Variants in ZFAND3 observed in about 807,000 individuals in gnomAD.
ZFAND3 encodes the protein AN1-type zinc finger protein 3.
ZFAND3 carries 10 observed loss-of-function variants against 29.6 expected under a neutral mutation model. That is an observed-to-expected ratio of 0.34 (90% CI 0.21 to 0.57). ZFAND3 has a LOEUF of 0.57. Ranked by LOEUF, ZFAND3 falls within the 20% of genes least tolerant of loss-of-function variation. The pLI, the probability that ZFAND3 is intolerant of heterozygous loss-of-function variation, is 0.86. For missense variants in ZFAND3, 230 were observed against 304.5 expected (o/e 0.76, Z 1.82); for synonymous variants, 128 against 112.6 (o/e 1.14, Z -0.87).
chr6:37,844,258 G>C (rs1323009985), intron 1 of ZFAND3, among the ~76,000 whole-genome samples: 1 of 151,294 alleles, frequency 6.6e-6, no homozygotes, highest in African/African-American at 2.4e-5. Flanking sequence ...CTGTCTTTCT[G>C]TCTTTCCTTG....
rs553474687 is a variant in ZFAND3 at position 37,927,144 on chromosome 6, T to C, written c.72-2815T>C. ...GAATGGATGTCATTTAGGTAATACA[T>C]AGGTATGGTAGGCATTTTAAATACA... On this transcript the variant is annotated intron_variant, in intron 1 of 5. Transcript: ENST00000287218. Among the ~76,000 whole-genome samples the C allele has an allele frequency of 2.8e-3, 431 of 152,316 alleles. 2 individuals are homozygous for C. The highest frequency in any genetic ancestry group is 9.8e-3 in the African/African-American group (409 of 41,556).
At chr6:38,045,677 A>G (rs1488247972) in intron 2 of ZFAND3, among the ~76,000 whole-genome samples, 1 of 152,162 alleles carries the variant, frequency 6.6e-6, no homozygotes, top group Non-Finnish European at 1.5e-5. Flanking sequence ...ATTTAACACT[A>G]CCTCTTTCTA....
At chr6:37,972,459 T>C (rs1762406265) in intron 2 of ZFAND3, among the ~76,000 whole-genome samples, 3 of 152,256 alleles carry the variant, frequency 2.0e-5, no homozygotes, top group Admixed American at 2.0e-4. Flanking sequence ...ATAACAGATA[T>C]GGCTCCTCAG....
chr6:37,855,314 CTT>C (rs970061636), intron 1 of ZFAND3, among the ~76,000 whole-genome samples: 27 of 134,296 alleles, frequency 2.0e-4, no homozygotes, highest in Non-Finnish European at 2.6e-4. Context: ...CTGGCTAACT[CTT>C]TTTTTTTTTT....
chr6:37,956,612 AC>A (rs1762089729), intron 2 of ZFAND3, among the ~76,000 whole-genome samples: 1 of 152,226 alleles, frequency 6.6e-6, no homozygotes, highest in African/African-American at 2.4e-5. Context: ...TTTAATGAAT[AC>A]TGTTATTTGT....
chr6:37,974,615 C>G (rs141821359), intron 2 of ZFAND3, among the ~76,000 whole-genome samples: 1 of 152,006 alleles, frequency 6.6e-6, no homozygotes, highest in African/African-American at 2.4e-5. Flanking sequence ...AGGCTGGTCT[C>G]AAACTCATGG....
chr6:37,850,724 C>T (rs903059223), intron 1 of ZFAND3, among the ~76,000 whole-genome samples: 1 of 152,180 alleles, frequency 6.6e-6, no homozygotes, highest in African/African-American at 2.4e-5. Context: ...TACCTAATGA[C>T]ATGTTTTTCA....
chr6:38,058,537 G>C (rs1197921912), intron 2 of ZFAND3, among the ~76,000 whole-genome samples: 1 of 152,184 alleles, frequency 6.6e-6, no homozygotes, highest in Non-Finnish European at 1.5e-5. Context: ...CAGAAAAGAA[G>C]CAGTGGGGGC....
At chr6:37,844,431 G>A (rs1407465619) in intron 1 of ZFAND3, among the ~76,000 whole-genome samples, 3 of 151,836 alleles carry the variant, frequency 2.0e-5, no homozygotes, top group South Asian at 2.1e-4. Context: ...ACAGGCGCCC[G>A]CCACCACACC....
At chr6:37,947,916 C>G (rs1761930678) in intron 2 of ZFAND3, among the ~76,000 whole-genome samples, 1 of 151,822 alleles carries the variant, frequency 6.6e-6, no homozygotes. Context: ...TTTTCCCTTC[C>G]TGGAGGATTT....
intron 5 of ZFAND3, among the ~76,000 whole-genome samples, chr6:38,124,669 C>T (rs755737268): frequency 2.0e-5 from 3 of 152,198 alleles, no homozygotes; most frequent in Non-Finnish European, 2.9e-5. Context: ...ATAAGCGCCG[C>T]GCGCAGCCCA....
At chr6:38,122,559 C>T (rs77153019) in intron 5 of ZFAND3, among the ~76,000 whole-genome samples, 10,098 of 152,200 alleles carry the variant, frequency 0.066, 451 homozygotes, top group Middle Eastern at 0.11. Context: ...CATCTTTCTT[C>T]AGTGGTGGGG....
intron 1 of ZFAND3, among the ~76,000 whole-genome samples, chr6:37,914,605 C>CTGGG (rs1485443017): frequency 6.6e-6 from 1 of 151,764 alleles, no homozygotes; most frequent in Non-Finnish European, 1.5e-5. Context: ...TCCCAAAGTG[C>CTGGG]TGGGATCACT....
intron 1 of ZFAND3, among the ~76,000 whole-genome samples, chr6:37,860,255 C>T (rs913641330): frequency 1.8e-4 from 27 of 146,796 alleles, no homozygotes; most frequent in Middle Eastern, 3.3e-3. Context: ...TTATGGAGTA[C>T]TTACATAGTA....
chr6:38,125,014 CAAGAG>C (rs149985178), intron 5 of ZFAND3, among the ~76,000 whole-genome samples: 37 of 152,310 alleles, frequency 2.4e-4, no homozygotes, highest in Non-Finnish European at 3.7e-4. Context: ...ACCTGTGACT[CAAGAG>C]AAGAAAGTGT....
intron 1 of ZFAND3, among the ~76,000 whole-genome samples, chr6:37,881,726 G>A (rs1266285629): frequency 6.6e-6 from 1 of 152,134 alleles, no homozygotes; most frequent in Non-Finnish European, 1.5e-5. Flanking sequence ...CCTTCATAGA[G>A]ATTTTTGTTC....
In ZFAND3 at chr6:38,141,370, T is replaced by C. The variant is rs148415685; in HGVS notation, c.530-10865T>C. Among the ~76,000 whole-genome samples the C allele has an allele frequency of 5.7e-3, 870 of 152,306 alleles. 7 individuals carry two copies. Among genetic ancestry groups the C allele is most frequent in the African/African-American group, 0.02 (834 of 41,552 alleles). On this transcript the variant is annotated intron_variant, in intron 5 of 5. Coordinates refer to ENST00000287218, the MANE Select transcript of ZFAND3 (RefSeq NM_021943.3). The stretch of plus-strand genomic sequence containing the variant: ...AACTTGGCAACACATGCTCTGCCTC[T>C]GTTTGTGACAGAGGCTTGCAGAATA...
chr6:38,093,808 A>G (rs1359661520), intron 4 of ZFAND3, among the ~76,000 whole-genome samples: 1 of 152,186 alleles, frequency 6.6e-6, no homozygotes, highest in Non-Finnish European at 1.5e-5. Context: ...AGTTAATTGA[A>G]CCATTAAAAA....
chr6:38,094,075 ATAGT>A (rs1764924908), intron 4 of ZFAND3, among the ~76,000 whole-genome samples: 1 of 152,204 alleles, frequency 6.6e-6, no homozygotes. Context: ...AAATGAGTAG[ATAGT>A]TAGCTGAGAC....
Sources: allele counts gnomAD v4.1 joint callset (sites outside exome capture counted in the v4.1 genomes callset), GRCh38; gene constraint gnomAD v4.1.1; transcripts MANE v1.5; gene names NCBI Gene and HGNC (gene_info 2026-07-23, HGNC 2026-07-21).